The following FOXD3 variants were observed in gnomAD, a reference collection of about 807,000 sequenced individuals.
The protein encoded by FOXD3 is forkhead box D3.
FOXD3 carries 3 observed loss-of-function variants against 3.6 expected under a neutral mutation model. That is an observed-to-expected ratio of 0.84 (90% CI 0.38 to 2.18). The LOEUF (loss-of-function observed/expected upper bound fraction) is 2.18, where lower values mean the gene tolerates loss of function less well. Ranked by LOEUF, FOXD3 falls within the 30% of genes most tolerant of loss-of-function variation. The pLI is 0.06. For missense variants in FOXD3, 686 were observed against 731.6 expected (o/e 0.94, Z 0.72); for synonymous variants, 391 against 360.9 (o/e 1.08, Z -0.94).
At position 63,323,591 on chromosome 1, in the gene FOXD3, A is replaced by G. The variant is rs1379479084; in HGVS notation, c.533A>G (p.Tyr178Cys). The G allele has an allele frequency of 6.2e-7, 1 of 1,613,982 alleles. No homozygotes were observed. Among genetic ancestry groups the G allele is most frequent in the Non-Finnish European group, 8.5e-7 (1 of 1,179,976 alleles). The change falls in exon 1 of 1, where the codon TAC (tyrosine) becomes TGC (cysteine). Residue 178 changes from tyrosine to cysteine, a missense_variant. Coordinates refer to ENST00000371116, the MANE Select transcript of FOXD3 (RefSeq NM_012183.3). This position sits in a 1 kb window ranked among gnomAD's most constrained non-coding sequence, Gnocchi z 6.8. Reference protein sequence around the residue: ...CEFISNRFPYYREKFPAWQNS... With the variant: ...CEFISNRFPYCREKFPAWQNS... ...TTCATCAGCAACCGCTTCCCCTACT[A>G]CAGGGAGAAGTTCCCCGCCTGGCAG... is the stretch of plus-strand genomic sequence containing the variant.
In FOXD3 at chr1:63,324,013, C is replaced by T. The variant is rs1647052885; in HGVS notation, c.955C>T (p.Pro319Ser). Residue 319 changes from proline to serine, a missense_variant, in exon 1 of 1, where the codon CCG becomes TCG. Around this residue, in one of 3 missense-constraint regions of FOXD3, gnomAD observed 370 missense variants for 372.3 expected, o/e 0.99. Coordinates refer to ENST00000371116, the MANE Select transcript of FOXD3 (RefSeq NM_012183.3). The surrounding 1 kb of genome is among the most constrained non-coding windows in gnomAD (Gnocchi z 4.1). ...PVAPVLPPAV[P>S]LLPSGELGRK... is the part of the protein sequence containing the mutation. The stretch of plus-strand genomic sequence containing the variant: ...GGCACCGGTGCTGCCTCCCGCTGTG[C>T]CGCTGCTGCCCTCGGGCGAGCTGGG... 7.4e-7 allele frequency: 1 copy of T among 1,353,736 alleles called. No homozygotes were observed. 83.9% of individuals were successfully genotyped at this position (1,353,736 alleles called of 1,614,324 possible). A position where few individuals can be genotyped will look rare whatever the true frequency, so the allele number is the denominator to read the frequency against.
chr1:63,324,412 C>T lies in FOXD3; in HGVS notation c.1354C>T (p.Leu452Phe), dbSNP rs1301129607. 6.3e-7 allele frequency: 1 copy of T among 1,580,994 alleles called. No individual in the cohort carries two copies. The highest frequency in any genetic ancestry group is 8.5e-7 in the Non-Finnish European group (1 of 1,172,646). Residue 452 changes from leucine to phenylalanine, a missense_variant, in exon 1 of 1, where the codon CTC becomes TTC. By Grantham distance (22) the Leu-to-Phe change is conservative. This residue lies in a region of FOXD3 where 370 missense variants were observed against 372.3 expected (regional missense o/e 0.99). Transcript: ENST00000371116. The surrounding 1 kb of genome is among the most constrained non-coding windows in gnomAD (Gnocchi z 4.1). ...ATIAPILSVP[L>F]SGQFLQPAAS... ...CATCGCGCCCATTCTTAGCGTGCCA[C>T]TCTCCGGACAGTTTCTGCAGCCCGC...
In FOXD3 at chr1:63,324,443, C is replaced by T. The variant is rs1170868301; in HGVS notation, c.1385C>T (p.Ser462Leu). The change falls in exon 1 of 1, where the codon TCG (serine) becomes TTG (leucine). Residue 462 changes from serine to leucine, a missense_variant. Around this residue, in one of 3 missense-constraint regions of FOXD3, gnomAD observed 370 missense variants for 372.3 expected, o/e 0.99. Coordinates refer to ENST00000371116, the MANE Select transcript of FOXD3 (RefSeq NM_012183.3). This position sits in a 1 kb window ranked among gnomAD's most constrained non-coding sequence, Gnocchi z 4.1. The stretch of plus-strand genomic sequence containing the variant: ...GGACAGTTTCTGCAGCCCGCAGCCT[C>T]GGCCGCCGCCGCTGCTGCGGCCGCC... ...LSGQFLQPAA[S>L]AAAAAAAAAQ... 1 of 1,542,136 alleles carries T rather than the reference C, an allele frequency of 6.5e-7. No homozygotes were observed. The highest frequency in any genetic ancestry group is 1.4e-5 in the African/African-American group (1 of 72,936).
rs749122449 is a variant in FOXD3, at chr1:63,323,127, G to C, written c.69G>C (p.Val23=). Residue 23 remains valine, a synonymous_variant, in exon 1 of 1, where the codon GTG becomes GTC. Transcript: ENST00000371116. The surrounding 1 kb of genome is among the most constrained non-coding windows in gnomAD (Gnocchi z 6.8). ...AGACGGTGCTGACGGCCGAGGACGT[G>C]GACATCGATGTGGTGGGCGAGGGCG... ...SGQTVLTAED[V]DIDVVGEGDD... 1.0e-5 allele frequency: 16 copies of C among 1,571,288 alleles called. No homozygotes were observed. Among genetic ancestry groups the C allele is most frequent in the African/African-American group, 1.4e-5 (1 of 72,582 alleles).
rs912274919 is a variant in FOXD3, at chr1:63,324,234, G to C, written c.1176G>C (p.Gly392=). 7.6e-6 allele frequency: 11 copies of C among 1,443,282 alleles called. No homozygotes were observed. Among genetic ancestry groups the C allele is most frequent in the Non-Finnish European group, 9.9e-6 (11 of 1,109,618 alleles). 89.4% of individuals were successfully genotyped at this position (1,443,282 alleles called of 1,614,324 possible). Residue 392 remains glycine (G), a synonymous_variant, in exon 1 of 1, where the codon GGG becomes GGC. Transcript: ENST00000371116. This position sits in a 1 kb window ranked among gnomAD's most constrained non-coding sequence, Gnocchi z 4.1. Reference sequence around the variant, plus strand: ...TAGGTGGGGGCCCCGCGGCTCCTGGGGGCTCGGCGGTGGGCGCTGGGGTCG... The same window carrying C: ...TAGGTGGGGGCCCCGCGGCTCCTGGCGGCTCGGCGGTGGGCGCTGGGGTCG... ...NIIGGGPAAP[G]GSAVGAGVAG... is the part of the protein sequence containing the mutation.
chr1:63,323,385 C>A lies in FOXD3; in HGVS notation c.327C>A (p.Gly109=). The A allele has an allele frequency of 2.1e-6, 3 of 1,402,942 alleles. No homozygotes were observed. Among genetic ancestry groups the A allele is most frequent in the Non-Finnish European group, 2.8e-6 (3 of 1,082,908 alleles). The allele number at this position is 1,402,942 out of a possible 1,614,324, so 86.9% of individuals were successfully genotyped here. The change falls in exon 1 of 1, where the codon GGC becomes GGA. Residue 109 remains glycine, a synonymous_variant. Transcript: ENST00000371116. The surrounding 1 kb of genome is among the most constrained non-coding windows in gnomAD (Gnocchi z 6.8). ...PEADGCKGGV[G]GEEGGASGGG... ...CGGACGGCTGCAAGGGCGGTGTTGG[C>A]GGCGAGGAGGGCGGCGCGAGCGGCG...
Position 63,323,158 on chromosome 1 carries a change from G to A in FOXD3, c.100G>A (p.Gly34Arg). ...CGATGTGGTGGGCGAGGGCGACGAC[G>A]GGCTGGAAGAGAAGGACAGCGACGC... ...DIDVVGEGDD[G>R]LEEKDSDAGC... Residue 34 changes from glycine (G) to arginine (R), a missense_variant, in exon 1 of 1, where the codon GGG (glycine) becomes AGG (arginine). By Grantham distance (125) the Gly-to-Arg change is moderately radical. Around this residue, in one of 3 missense-constraint regions of FOXD3, gnomAD observed 232 missense variants for 214.0 expected, o/e 1.08. Coordinates refer to ENST00000371116, the MANE Select transcript of FOXD3 (RefSeq NM_012183.3). This position sits in a 1 kb window ranked among gnomAD's most constrained non-coding sequence, Gnocchi z 6.8. 4.5e-6 allele frequency: 7 copies of A among 1,568,434 alleles called. No homozygotes were observed. Among genetic ancestry groups the A allele is most frequent in the Non-Finnish European group, 6.0e-6 (7 of 1,159,346 alleles).
In FOXD3 at chr1:63,323,115, G is replaced by C; in HGVS notation, c.57G>C (p.Thr19=). 1 of 1,568,012 alleles carries C rather than the reference G, an allele frequency of 6.4e-7. No individual in the cohort carries two copies. Among genetic ancestry groups the C allele is most frequent in the South Asian group, 1.2e-5 (1 of 85,842 alleles). The change falls in exon 1 of 1, where the codon ACG becomes ACC. Residue 19 remains threonine (T), a synonymous_variant. Coordinates refer to ENST00000371116, the MANE Select transcript of FOXD3 (RefSeq NM_012183.3). This position sits in a 1 kb window ranked among gnomAD's most constrained non-coding sequence, Gnocchi z 6.8. ...ASDMSGQTVL[T]AEDVDIDVVG... ...ACATGTCCGGCCAGACGGTGCTGAC[G>C]GCCGAGGACGTGGACATCGATGTGG...
rs1456517937 is a variant in FOXD3 at position 63,324,283 on chromosome 1, G to A, written c.1225G>A (p.Gly409Ser). The change falls in exon 1 of 1, where the codon GGC (glycine) becomes AGC (serine). Residue 409 changes from glycine to serine, a missense_variant. Gly to Ser is a moderately conservative substitution (Grantham distance 56). Coordinates refer to ENST00000371116, the MANE Select transcript of FOXD3 (RefSeq NM_012183.3). The surrounding 1 kb of genome is among the most constrained non-coding windows in gnomAD (Gnocchi z 4.1). ...GVAGGTGGSG[G>S]GSTAQSFLRP... ...CGCCGGCGGCACTGGGGGTTCAGGG[G>A]GCGGCAGCACGGCGCAGTCGTTTCT... 5 of 1,521,430 alleles carry A rather than the reference G, an allele frequency of 3.3e-6. No individual in the cohort carries two copies. Among genetic ancestry groups the A allele is most frequent in the Non-Finnish European group, 4.4e-6 (5 of 1,142,912 alleles). The allele number at this position is 1,521,430 out of a possible 1,614,324, so 94.2% of individuals were successfully genotyped here. A position where few individuals can be genotyped will look rare whatever the true frequency, so the allele number is the denominator to read the frequency against.
Position 63,324,575 on chromosome 1 carries a change from C to G in FOXD3, c.*80C>G. 1 of 1,089,884 alleles carries G rather than the reference C, an allele frequency of 9.2e-7. No homozygotes were observed. Among genetic ancestry groups the G allele is most frequent in the Non-Finnish European group, 1.3e-6 (1 of 748,136 alleles). The allele number at this position is 1,089,884 out of a possible 1,614,324, so 67.5% of individuals were successfully genotyped here. ...CACCTCCAGGCTGCGCGCCCTGTCC[C>G]AAGCCCGGTCCCGGTCCCGCTGCCC... On this transcript the variant is annotated 3_prime_UTR_variant, in exon 1 of 1. Coordinates refer to ENST00000371116, the MANE Select transcript of FOXD3 (RefSeq NM_012183.3). This position sits in a 1 kb window ranked among gnomAD's most constrained non-coding sequence, Gnocchi z 4.1.
Position 63,322,745 on chromosome 1 carries a change from T to C in FOXD3, c.-314T>C. 4 of 985,178 alleles carry C rather than the reference T, an allele frequency of 4.1e-6. No individual in the cohort carries two copies. The highest frequency in any genetic ancestry group is 4.8e-6 in the Non-Finnish European group (4 of 829,834). The allele number at this position is 985,178 out of a possible 1,614,324, so 61.0% of individuals were successfully genotyped here. On this transcript the variant is annotated 5_prime_UTR_variant, in exon 1 of 1. Transcript: ENST00000371116. Reference sequence around the variant, plus strand: ...CAGAGGCCGAGGAAGGCGGGCTAAGTGAGGGGGCGCGGCGTGGAGAACCGC... The same window carrying C: ...CAGAGGCCGAGGAAGGCGGGCTAAGCGAGGGGGCGCGGCGTGGAGAACCGC...
Position 63,323,178 on chromosome 1 carries a change from C to T in FOXD3, c.120C>T (p.Ser40=). The T allele has an allele frequency of 6.4e-7, 1 of 1,562,168 alleles. No individual in the cohort carries two copies. The highest frequency in any genetic ancestry group is 8.6e-7 in the Non-Finnish European group (1 of 1,156,296). Residue 40 remains serine, a synonymous_variant, in exon 1 of 1, where the codon AGC becomes AGT. Transcript: ENST00000371116. This position sits in a 1 kb window ranked among gnomAD's most constrained non-coding sequence, Gnocchi z 6.8. ...ACGACGGGCTGGAAGAGAAGGACAG[C>T]GACGCAGGTTGCGATAGCCCCGCGG... ...EGDDGLEEKD[S]DAGCDSPAGP...
In FOXD3 at chr1:63,323,919, G is replaced by A. The variant is rs1384390720; in HGVS notation, c.861G>A (p.Ser287=). Residue 287 remains serine (S), a synonymous_variant, in exon 1 of 1, where the codon TCG becomes TCA. Coordinates refer to ENST00000371116, the MANE Select transcript of FOXD3 (RefSeq NM_012183.3). This position sits in a 1 kb window ranked among gnomAD's most constrained non-coding sequence, Gnocchi z 6.8. Reference sequence around the variant, plus strand: ...CTGCGGCGGCGGCCGGTGCCTATTCGCACCCGGCAGCGGCGGCGGCCGCGG... The same window carrying A: ...CTGCGGCGGCGGCCGGTGCCTATTCACACCCGGCAGCGGCGGCGGCCGCGG... ...LHPAAAAGAY[S]HPAAAAAAAA... The A allele has an allele frequency of 7.8e-7, 1 of 1,274,338 alleles. No homozygotes were observed. 78.9% of individuals were successfully genotyped at this position (1,274,338 alleles called of 1,614,324 possible). A position where few individuals can be genotyped will look rare whatever the true frequency, so the allele number is the denominator to read the frequency against.
Position 63,324,918 on chromosome 1 carries a change from AT to A in FOXD3, c.*431del, listed in dbSNP as rs900417027. 8 of 177,508 alleles carry A rather than the reference AT, an allele frequency of 4.5e-5. No homozygotes were observed. The highest frequency in any genetic ancestry group is 3.4e-4 in the South Asian group (2 of 5,814). The allele number at this position is 177,508 out of a possible 1,614,324, so 11.0% of individuals were successfully genotyped here. A position where few individuals can be genotyped will look rare whatever the true frequency, so the allele number is the denominator to read the frequency against. On this transcript the variant is annotated 3_prime_UTR_variant, in exon 1 of 1. Coordinates refer to ENST00000371116, the MANE Select transcript of FOXD3 (RefSeq NM_012183.3). This position sits in a 1 kb window ranked among gnomAD's most constrained non-coding sequence, Gnocchi z 4.1. The stretch of plus-strand genomic sequence containing the variant: ...CGTAGATTTAGAGCTCTGAACTTTC[AT>A]TTTTTTTGAAGGTTCACTCTCCGAA...
In FOXD3 at chr1:63,322,861, C is replaced by T. The variant is rs1236506325; in HGVS notation, c.-198C>T. 1.4e-5 allele frequency: 14 copies of T among 985,214 alleles called. No individual in the cohort carries two copies. Among genetic ancestry groups the T allele is most frequent in the Non-Finnish European group, 1.7e-5 (14 of 829,904 alleles). The allele number at this position is 985,214 out of a possible 1,614,324, so 61.0% of individuals were successfully genotyped here. On this transcript the variant is annotated 5_prime_UTR_variant, in exon 1 of 1. Coordinates refer to ENST00000371116, the MANE Select transcript of FOXD3 (RefSeq NM_012183.3). ...CGGCCGCTGGGGGCGGACGGCAGAGCCCGCGCCACGCGATGCGGGGCCGCC... is the reference window on the plus strand; with the variant it reads ...CGGCCGCTGGGGGCGGACGGCAGAGTCCGCGCCACGCGATGCGGGGCCGCC...
In FOXD3 at chr1:63,324,140, CG is replaced by C; in HGVS notation, c.1085del (p.Gly362AlafsTer23). On this transcript the variant is annotated frameshift_variant, in exon 1 of 1. Coordinates refer to ENST00000371116, the MANE Select transcript of FOXD3 (RefSeq NM_012183.3). LOFTEE classifies it low-confidence loss of function (END_TRUNC). The surrounding 1 kb of genome is among the most constrained non-coding windows in gnomAD (Gnocchi z 4.1). ...GCCGCTGCGGGCACAGCGGGCGCCG[CG>C]GGCACCACCGCGTCGCTCATCAAGT... is the stretch of plus-strand genomic sequence containing the variant. ...AAAAAGTAGA[A>X]GTTASLIKSE... The C allele has an allele frequency of 7.0e-7, 1 of 1,432,944 alleles. No individual in the cohort carries two copies. 88.8% of individuals were successfully genotyped at this position (1,432,944 alleles called of 1,614,324 possible). A position where few individuals can be genotyped will look rare whatever the true frequency, so the allele number is the denominator to read the frequency against.
In FOXD3 at chr1:63,324,773, A is replaced by T. The variant is rs2100341714; in HGVS notation, c.*278A>T. 1 of 514,220 alleles carries T rather than the reference A, an allele frequency of 1.9e-6. No homozygotes were observed. The highest frequency in any genetic ancestry group is 2.8e-5 in the South Asian group (1 of 36,310). The allele number at this position is 514,220 out of a possible 1,614,324, so 31.9% of individuals were successfully genotyped here. Reference sequence around the variant, plus strand: ...CGAAAACCGAATTTTCCAAAAATGCACCCCGACGGCGCCTGCTCTTAGTAC... The same window carrying T: ...CGAAAACCGAATTTTCCAAAAATGCTCCCCGACGGCGCCTGCTCTTAGTAC... On this transcript the variant is annotated 3_prime_UTR_variant, in exon 1 of 1. Coordinates refer to ENST00000371116, the MANE Select transcript of FOXD3 (RefSeq NM_012183.3). The surrounding 1 kb of genome is among the most constrained non-coding windows in gnomAD (Gnocchi z 4.1).
At position 63,323,428 on chromosome 1, in the gene FOXD3, A is replaced by C; in HGVS notation, c.370A>C (p.Ser124Arg). The change falls in exon 1 of 1, where the codon AGC becomes CGC. Residue 124 changes from serine to arginine, a missense_variant. Ser to Arg is a moderately radical substitution (Grantham distance 110). Around this residue, in one of 3 missense-constraint regions of FOXD3, gnomAD observed 232 missense variants for 214.0 expected, o/e 1.08. Coordinates refer to ENST00000371116, the MANE Select transcript of FOXD3 (RefSeq NM_012183.3). This position sits in a 1 kb window ranked among gnomAD's most constrained non-coding sequence, Gnocchi z 6.8. ...GAGCGGCGGCGGGCCTGGCGCGGGC[A>C]GCGGTTCGGCGGGAGGCCTGGCCCC... ...GASGGGPGAG[S>R]GSAGGLAPSK... 1 of 1,560,788 alleles carries C rather than the reference A, an allele frequency of 6.4e-7. No individual in the cohort carries two copies. The highest frequency in any genetic ancestry group is 8.6e-7 in the Non-Finnish European group (1 of 1,156,534).
Position 63,322,601 on chromosome 1 carries a change from G to C in FOXD3, c.-458G>C. 2.1e-6 allele frequency: 2 copies of C among 975,326 alleles called. No homozygotes were observed. The highest frequency in any genetic ancestry group is 2.4e-6 in the Non-Finnish European group (2 of 819,382). The allele number at this position is 975,326 out of a possible 1,614,324, so 60.4% of individuals were successfully genotyped here. ...GGGACTTTCGACTACCGGGGCTTCG[G>C]CGTCCCTGACACCCAGCCCCCTGCC... is the stretch of plus-strand genomic sequence containing the variant. On this transcript the variant is annotated 5_prime_UTR_variant, in exon 1 of 1. Coordinates refer to ENST00000371116, the MANE Select transcript of FOXD3 (RefSeq NM_012183.3).
Sources: allele counts gnomAD v4.1 joint callset, GRCh38; gene constraint gnomAD v4.1.1; regional missense constraint gnomAD v4.1.1; non-coding constraint Gnocchi (gnomAD v3.1); transcripts MANE v1.5; gene names NCBI Gene and HGNC (gene_info 2026-07-23, HGNC 2026-07-21).